LNPEP: variants seen among roughly 807,000 people sequenced by gnomAD.
LNPEP encodes leucyl and cystinyl aminopeptidase.
LNPEP carries 64 observed loss-of-function variants against 120.6 expected under a neutral mutation model. That is an observed-to-expected ratio of 0.53 (90% confidence interval 0.43 to 0.65). The LOEUF (loss-of-function observed/expected upper bound fraction) is 0.65. LNPEP is among the 30% of genes least tolerant of loss of function. LNPEP has a pLI of 0.00. For missense variants in LNPEP, 1,057 were observed against 1,200.0 expected (o/e 0.88, Z 1.76); for synonymous variants, 435 against 425.4 (o/e 1.02, Z -0.28).
intron 1 of LNPEP, among the ~76,000 whole-genome samples, chr5:96,972,127 G>A (rs1462937185): frequency 6.6e-6 from 1 of 152,214 alleles, no homozygotes; most frequent in African/African-American, 2.4e-5. Context: ...TCTGTAGACA[G>A]CTTAGTTACT....
chr5:97,036,319 G>A lies in LNPEP; in HGVS notation c.*7786G>A, dbSNP rs1171938454. The A allele has an allele frequency of 6.6e-6, 1 of 152,116 alleles. No homozygotes were observed. Among genetic ancestry groups the A allele is most frequent in the Non-Finnish European group, 1.5e-5 (1 of 67,998 alleles). 9.4% of individuals were successfully genotyped at this position (152,116 alleles called of 1,614,324 possible). A position where few individuals can be genotyped will look rare whatever the true frequency, so the allele number is the denominator to read the frequency against. ...TTTCTTACCCAGAGGTCTTTTGTGTGACTGCATCTTTCTCCTCCGTTCTCC... is the reference window on the plus strand; with the variant it reads ...TTTCTTACCCAGAGGTCTTTTGTGTAACTGCATCTTTCTCCTCCGTTCTCC... On this transcript the variant is annotated 3_prime_UTR_variant, in exon 18 of 18. Coordinates refer to ENST00000231368, the MANE Select transcript of LNPEP (RefSeq NM_005575.3).
chr5:97,002,247 CTT>C (rs1365234004), intron 8 of LNPEP, among the ~76,000 whole-genome samples: 1 of 152,108 alleles, frequency 6.6e-6, no homozygotes, highest in Non-Finnish European at 1.5e-5. Context: ...GAGGACAACT[CTT>C]TTGAGGAGTT....
intron 1 of LNPEP, among the ~76,000 whole-genome samples, chr5:96,957,495 A>T (rs1789497811): frequency 1.3e-5 from 2 of 152,150 alleles, no homozygotes; most frequent in South Asian, 4.1e-4. Context: ...TAAAGAGGTT[A>T]TCCTGGATTA....
At chr5:96,944,076 C>G (rs993201752) in intron 1 of LNPEP, among the ~76,000 whole-genome samples, 3 of 152,144 alleles carry the variant, frequency 2.0e-5, no homozygotes, top group Non-Finnish European at 4.4e-5. Flanking sequence ...ATGAACAGTG[C>G]TATGTGGGAG....
At chr5:97,010,978 T>C in intron 11 of LNPEP, 1 of 985,164 alleles carries the variant, frequency 1.0e-6, no homozygotes. Flanking sequence ...TGCTTTATGT[T>C]GTGTCATCTC....
chr5:97,020,424 C>T (rs1012070896), intron 13 of LNPEP, among the ~76,000 whole-genome samples: 4 of 152,140 alleles, frequency 2.6e-5, no homozygotes, highest in African/African-American at 9.7e-5. Flanking sequence ...AAGAAATCTT[C>T]CTGTGCTTAT....
chr5:97,020,584 C>T (rs1325679527), intron 13 of LNPEP, among the ~76,000 whole-genome samples: 50 of 152,074 alleles, frequency 3.3e-4, no homozygotes, highest in Non-Finnish European at 1.5e-4. Context: ...AGGTGGATCA[C>T]GAGGTCAGGA....
chr5:96,942,277 G>A (rs534599190), intron 1 of LNPEP: 1 of 152,068 alleles, frequency 6.6e-6, no homozygotes, highest in African/African-American at 2.4e-5. Flanking sequence ...CTGACTCACC[G>A]CCGCTCGCTC....
rs1187570043 is a variant in LNPEP, at chr5:96,954,625, T to TATATATATATATACATATATAC, written c.19+18458_19+18459insTATATACATATATACATATATA. Among the ~76,000 whole-genome samples, 2 of 121,386 alleles carry TATATATATATATACATATATAC rather than the reference T, an allele frequency of 1.6e-5. 1 individual carries two copies. Among genetic ancestry groups the TATATATATATATACATATATAC allele is most frequent in the Non-Finnish European group, 3.5e-5 (2 of 57,250 alleles). The allele number at this position is 121,386 out of a possible 152,430, so 79.6% of individuals were successfully genotyped here. A position where few individuals can be genotyped will look rare whatever the true frequency, so the allele number is the denominator to read the frequency against. ...CTCTCTCTCTCTCTCTCTCTATATATATATATACATATATACATATATACA... is the reference window on the plus strand; with the variant it reads ...CTCTCTCTCTCTCTCTCTCTATATATATATATATATATACATATATACATATATACATATATACATATATACA... On this transcript the variant is annotated intron_variant, in intron 1 of 17. Transcript: ENST00000231368.
chr5:96,965,340 GATTGAGAATGCAGGC>G (rs1337134449), intron 1 of LNPEP, among the ~76,000 whole-genome samples: 1 of 151,514 alleles, frequency 6.6e-6, no homozygotes, highest in Non-Finnish European at 1.5e-5. Context: ...AAAAAAAGTA[GATTGAGAATGCAGGC>G]ATTTTGAAGA....
At chr5:96,946,383 G>A (rs575686284) in intron 1 of LNPEP, among the ~76,000 whole-genome samples, 1 of 152,310 alleles carries the variant, frequency 6.6e-6, no homozygotes, top group South Asian at 2.1e-4. Flanking sequence ...AGGGTCTAGT[G>A]TGACTTGGGG....
chr5:97,003,919 A>G (rs926824111), intron 9 of LNPEP, among the ~76,000 whole-genome samples: 3 of 151,070 alleles, frequency 2.0e-5, no homozygotes, highest in Admixed American at 6.6e-5. Context: ...TTACCCTTTT[A>G]GTTTTTCTGC....
intron 1 of LNPEP, among the ~76,000 whole-genome samples, chr5:96,969,884 GT>G (rs1390276757): frequency 1.3e-5 from 2 of 151,076 alleles, no homozygotes; most frequent in Admixed American, 1.3e-4. Flanking sequence ...GATATATTAT[GT>G]TTTTATTATT....
chr5:97,010,308 T>G, intron 11 of LNPEP: 3 of 974,884 alleles, frequency 3.1e-6, no homozygotes, highest in Non-Finnish European at 3.7e-6. Flanking sequence ...TGGATATCAC[T>G]ATCAGAAATA....
At chr5:96,984,361 C>T (rs575237864) in intron 2 of LNPEP, among the ~76,000 whole-genome samples, 8 of 152,228 alleles carry the variant, frequency 5.3e-5, no homozygotes, top group African/African-American at 1.9e-4. Context: ...TCTTGAAGAC[C>T]TTCCTCTTGA....
intron 1 of LNPEP, among the ~76,000 whole-genome samples, chr5:96,958,200 A>C (rs2112576508): frequency 6.6e-6 from 1 of 152,352 alleles, no homozygotes; most frequent in African/African-American, 2.4e-5. Flanking sequence ...ATAAAGTGAA[A>C]TGAAAATGTG....
intron 8 of LNPEP, among the ~76,000 whole-genome samples, chr5:96,999,271 T>C (rs991933080): frequency 6.6e-5 from 10 of 152,182 alleles, no homozygotes; most frequent in African/African-American, 2.4e-4. Context: ...AGTCCAGGCA[T>C]GAAATGGTAA....
intron 1 of LNPEP, among the ~76,000 whole-genome samples, chr5:96,961,194 A>AT (rs1468581061): frequency 3.3e-5 from 5 of 152,310 alleles, no homozygotes; most frequent in Admixed American, 1.3e-4. Flanking sequence ...AACAAAAAAA[A>AT]ACTGTCTACC....
rs1790995394 is a variant in LNPEP, at chr5:97,013,821, G to C, written c.2209G>C (p.Glu737Gln). 6.3e-7 allele frequency: 1 copy of C among 1,599,962 alleles called. No homozygotes were observed. The highest frequency in any genetic ancestry group is 1.3e-5 in the African/African-American group (1 of 74,238). Residue 737 changes from glutamate to glutamine, a missense_variant, in exon 12 of 18, where the codon GAA (glutamate) becomes CAA (glutamine). By Grantham distance (29) the Glu-to-Gln change is conservative. Transcript: ENST00000231368. ...DRANLINNIF[E>Q]LAGLGKVPLK... Reference sequence around the variant, plus strand: ...AGCCAACCTTATCAACAACATCTTTGAACTTGCAGGGTAGAGTATACTTAG... The same window carrying C: ...AGCCAACCTTATCAACAACATCTTTCAACTTGCAGGGTAGAGTATACTTAG...
Sources: gnomAD v4.1 joint callset for allele counts (sites outside exome capture counted in the v4.1 genomes callset) on GRCh38, gnomAD v4.1.1 for gene constraint, MANE v1.5 for transcripts, NCBI Gene and HGNC (gene_info 2026-07-23, HGNC 2026-07-21) for gene names.